The following MTUS1 variants were observed in gnomAD, a reference collection of about 807,000 sequenced individuals.
MTUS1 encodes microtubule-associated tumor suppressor 1.
In MTUS1, 109 loss-of-function variants were observed where a neutral mutation model predicts 120.8. The ratio of observed to expected loss-of-function variants is 0.90; its 90% CI spans 0.77 to 1.06. The LOEUF is 1.06. Among genes scored for constraint, MTUS1 ranks in the 50% least tolerant of loss-of-function variants. MTUS1 has a pLI of 0.00. For synonymous variants in MTUS1, 737 were observed against 550.5 expected, an observed-to-expected ratio of 1.34 and a Z score of -4.74; for missense variants, 2,210 against 1,486.3, an observed-to-expected ratio of 1.49 and a Z score of -8.01.
chr8:17,675,898 G>C (rs928351235), intron 7 of MTUS1: 1 of 175,478 alleles, frequency 5.7e-6, no homozygotes, highest in Non-Finnish European at 1.2e-5. Context: ...GCTGTTTTTA[G>C]TATCAGAGAA....
intron 1 of MTUS1, among the ~76,000 whole-genome samples, chr8:17,785,288 C>T (rs985829526): frequency 1.4e-4 from 22 of 152,142 alleles, no homozygotes; most frequent in African/African-American, 4.8e-4. Context: ...CGACTGGAGG[C>T]TAAAGGGACC....
chr8:17,654,700 T>G, intron 9 of MTUS1, 34 bp from the exon 10 acceptor site: 1 of 1,469,426 alleles, frequency 6.8e-7, no homozygotes, highest in Non-Finnish European at 9.5e-7. Context: ...GGTTTAACAG[T>G]AAAACCAAAT....
At chr8:17,742,102 C>G (rs2047358416) in intron 3 of MTUS1, among the ~76,000 whole-genome samples, 1 of 151,948 alleles carries the variant, frequency 6.6e-6, no homozygotes, top group Admixed American at 6.6e-5. Flanking sequence ...TTTTTCTTCA[C>G]CACCAAGGGA....
In MTUS1 at chr8:17,743,829, CA is replaced by C. The variant is rs1443295667; in HGVS notation, c.2092-31del. On this transcript the variant is annotated intron_variant, in intron 2 of 14. Transcript: ENST00000693296. ...GAAAATAACAGTTAAGACTGTAAAC[CA>C]AAACTAAAATTCTAAGCCCCCCAAC... 1.9e-6 allele frequency: 3 copies of C among 1,588,666 alleles called. No individual in the cohort carries two copies. The East Asian group carries it at 6.7e-5, about 36-fold the overall frequency.
At chr8:17,703,037 C>G (rs149854769) in intron 6 of MTUS1, among the ~76,000 whole-genome samples, 11 of 152,230 alleles carry the variant, frequency 7.2e-5, no homozygotes, top group African/African-American at 2.4e-4. Flanking sequence ...ATTAACTGAA[C>G]AATCTGATTG....
intron 1 of MTUS1, among the ~76,000 whole-genome samples, chr8:17,787,878 C>T (rs961313875): frequency 3.9e-5 from 6 of 152,200 alleles, no homozygotes; most frequent in African/African-American, 7.2e-5. Flanking sequence ...CCCAGCACTT[C>T]GGGAGGCCGA....
At chr8:17,655,737 A>T in intron 9 of MTUS1, 126 bp downstream of exon 9, 1 of 826,610 alleles carries the variant, frequency 1.2e-6, no homozygotes, top group Non-Finnish European at 2.0e-6. Flanking sequence ...TCTTAAATAA[A>T]CAACAACAAC....
At chr8:17,748,239 T>C (rs1326954797) in intron 2 of MTUS1, 1 of 152,210 alleles carries the variant, frequency 6.6e-6, no homozygotes, top group Non-Finnish European at 1.5e-5. Flanking sequence ...AGAGATGGCT[T>C]AGCTTTGGAG....
At chr8:17,653,676 G>C (rs1313097098) in intron 10 of MTUS1, 178 bp from the exon 11 acceptor site, 5 of 552,208 alleles carry the variant, frequency 9.1e-6, no homozygotes, top group Non-Finnish European at 1.6e-5. Flanking sequence ...TTGAGAGGTG[G>C]TTAGGGTAGA....
intron 3 of MTUS1, chr8:17,724,217 A>C: frequency 7.3e-6 from 3 of 410,124 alleles, no homozygotes; most frequent in South Asian, 5.4e-5. Context: ...TGACTAAAAA[A>C]AAAATAATCC....
Position 17,646,970 on chromosome 8 carries a change from T to A in MTUS1, c.3599+12A>T. On this transcript the variant is annotated intron_variant, in intron 14 of 14. Transcript: ENST00000693296. The stretch of plus-strand genomic sequence containing the variant: ...GGGGAGCTCGGGAGAAACAGCACTG[T>A]TTTATTTTTACCTTGAGATTGCCAT... 1 of 1,609,130 alleles carries A rather than the reference T, an allele frequency of 6.2e-7. No individual in the cohort carries two copies. Among genetic ancestry groups the A allele is most frequent in the South Asian group, 1.1e-5 (1 of 90,926 alleles).
At chr8:17,653,891 T>C (rs1248361265) in intron 10 of MTUS1, 1 of 162,188 alleles carries the variant, frequency 6.2e-6, no homozygotes, top group East Asian at 1.8e-4. Flanking sequence ...TACTCATTTC[T>C]AGCAGGAAGG....
intron 6 of MTUS1, among the ~76,000 whole-genome samples, chr8:17,687,038 A>C (rs950975651): frequency 2.6e-5 from 4 of 152,216 alleles, no homozygotes; most frequent in African/African-American, 9.6e-5. Context: ...ACTACACAGG[A>C]ATCTAAACAT....
Position 17,675,249 on chromosome 8 carries a change from C to A in MTUS1, c.2842G>T (p.Glu948Ter). Residue 948 changes from glutamate (E) to a stop codon, truncating the protein, a stop_gained, in exon 8 of 15, where the codon GAG becomes TAG. Coordinates refer to ENST00000693296, the MANE Select transcript of MTUS1 (RefSeq NM_001363059.2). LOFTEE classifies it high-confidence loss of function. ...VVIQHLLSER[E>*]EALKQHKTLS... The stretch of plus-strand genomic sequence containing the variant: ...GTTTTGTGTTGTTTCAGTGCTTCCT[C>A]CCGCTGCGGAAAACACACATCAAGT... 1 of 1,614,058 alleles carries A rather than the reference C, an allele frequency of 6.2e-7. No homozygotes were observed. The highest frequency in any genetic ancestry group is 8.5e-7 in the Non-Finnish European group (1 of 1,179,972).
chr8:17,734,560 C>A (rs2046803614), intron 3 of MTUS1, among the ~76,000 whole-genome samples: 1 of 152,166 alleles, frequency 6.6e-6, no homozygotes, highest in African/African-American at 2.4e-5. Context: ...AGTATGTTCA[C>A]AAGATGTCTG....
intron 1 of MTUS1, among the ~76,000 whole-genome samples, chr8:17,757,779 G>A (rs540160548): frequency 2.6e-5 from 4 of 152,154 alleles, no homozygotes; most frequent in African/African-American, 7.2e-5. Context: ...TGCCCACCTC[G>A]GCCTCCCAAA....
At chr8:17,681,932 A>G (rs1024697981) in intron 7 of MTUS1, among the ~76,000 whole-genome samples, 2 of 152,192 alleles carry the variant, frequency 1.3e-5, no homozygotes, top group East Asian at 3.8e-4. Flanking sequence ...AATATATTCA[A>G]TATAAAAGTT....
chr8:17,700,815 G>A (rs1215949578), intron 6 of MTUS1, among the ~76,000 whole-genome samples: 5 of 152,084 alleles, frequency 3.3e-5, no homozygotes, highest in Admixed American at 2.0e-4. Context: ...TAAACGATGT[G>A]TAAAGTCTAT....
At chr8:17,778,979 G>A (rs75490806) in intron 1 of MTUS1, among the ~76,000 whole-genome samples, 1 of 152,086 alleles carries the variant, frequency 6.6e-6, no homozygotes, top group African/African-American at 2.4e-5. Context: ...CTAGTACAGA[G>A]TGAACAAAAT....
Sources: gnomAD v4.1 joint callset for allele counts (sites outside exome capture counted in the v4.1 genomes callset) on GRCh38, gnomAD v4.1.1 for gene constraint, MANE v1.5 for transcripts, NCBI Gene and HGNC (gene_info 2026-07-23, HGNC 2026-07-21) for gene names.